MATN1: variants seen among roughly 807,000 people sequenced by gnomAD.
MATN1 encodes the protein matrilin 1, also known as matrilin-1.
A neutral mutation model predicts 41.3 loss-of-function variants in MATN1; 34 were observed. That is an observed-to-expected ratio of 0.82 (90% CI 0.63 to 1.10). The LOEUF is 1.10. Among genes scored for constraint, MATN1 ranks in the 50% least tolerant of loss-of-function variants. The probability of loss-of-function intolerance (pLI) is 0.00; values close to 1 mark genes in which losing one functional copy is unlikely to be tolerated. For missense variants in MATN1, 602 were observed against 662.4 expected, an observed-to-expected ratio of 0.91 and a Z score of 1.00; for synonymous variants, 264 against 278.7, an observed-to-expected ratio of 0.95 and a Z score of 0.53.
At position 30,715,168 on chromosome 1, in the gene MATN1, T is replaced by C. The variant is rs762432132; in HGVS notation, c.1349A>G (p.Lys450Arg). 6.2e-7 allele frequency: 1 copy of C among 1,614,098 alleles called. No homozygotes were observed. Among genetic ancestry groups the C allele is most frequent in the South Asian group, 1.1e-5 (1 of 91,086 alleles). The change falls in exon 6 of 8, where the codon AAG becomes AGG. Residue 450 changes from lysine to arginine, a missense_variant. By Grantham distance (26) the Lys-to-Arg change is conservative (BLOSUM62 2). Coordinates refer to ENST00000373765, the MANE Select transcript of MATN1 (RefSeq NM_002379.3). ...CTGGCCTCACTCACCCACACAGATC[T>C]TCTTCTGCAACTTCTTGCCTATCTG... ...INQIGKKLQK[K>R]ICVEEDPCAC...
At chr1:30,719,133 G>A (rs1639665410) in intron 2 of MATN1, 176 bp from the exon 3 acceptor site, 1 of 523,706 alleles carries the variant, frequency 1.9e-6, no homozygotes, top group African/African-American at 2.0e-5. Flanking sequence ...ACTGAGAGAC[G>A]TGGCTGGGGG....
intron 3 of MATN1, among the ~76,000 whole-genome samples, chr1:30,717,772 A>C (rs1442066461): frequency 6.6e-6 from 1 of 150,772 alleles, no homozygotes; most frequent in Non-Finnish European, 1.5e-5. Flanking sequence ...TTCCTGGCGC[A>C]GCCTCCCGAG....
In MATN1 at chr1:30,716,347, C is replaced by A. The variant is rs116244983; in HGVS notation, c.791-22G>T. 38 of 1,603,944 alleles carry A rather than the reference C, an allele frequency of 2.4e-5. No individual in the cohort carries two copies. In the African/African-American group the frequency reaches 4.5e-4, roughly 19 times the overall value. ...CAGACTGTGGAGGACAGGAAGGCAA[C>A]GGGCTGAAGCTGAAGGACATAGTCA... On this transcript the variant is annotated intron_variant, in intron 4 of 7. Coordinates refer to ENST00000373765, the MANE Select transcript of MATN1 (RefSeq NM_002379.3).
intron 3 of MATN1, among the ~76,000 whole-genome samples, chr1:30,718,203 G>A (rs1639645006): frequency 6.7e-6 from 1 of 149,950 alleles, no homozygotes. Flanking sequence ...CCTCTGATGT[G>A]GCCCCGCCCC....
chr1:30,720,114 C>T (rs747564451), intron 2 of MATN1: 7 of 152,192 alleles, frequency 4.6e-5, no homozygotes, highest in Non-Finnish European at 1.0e-4. Context: ...GCTGCCATCC[C>T]GAGGCCCACT....
chr1:30,719,547 TATC>T (rs1334974490), intron 2 of MATN1: 2 of 153,298 alleles, frequency 1.3e-5, no homozygotes, highest in Admixed American at 1.3e-4. Flanking sequence ...ATGCCGCCCT[TATC>T]CTCCTCCACT....
chr1:30,713,470 A>G lies in MATN1; in HGVS notation c.*112T>C. 2.0e-6 allele frequency: 2 copies of G among 1,012,056 alleles called. No homozygotes were observed. Among genetic ancestry groups the G allele is most frequent in the Non-Finnish European group, 3.0e-6 (2 of 660,276 alleles). 62.7% of individuals were successfully genotyped at this position (1,012,056 alleles called of 1,614,324 possible). The stretch of plus-strand genomic sequence containing the variant: ...ACGCCATTACACGCTCTCAATAGGC[A>G]CACCCAGACACACCCCCTCCCACCC... On this transcript the variant is annotated 3_prime_UTR_variant, in exon 8 of 8. Coordinates refer to ENST00000373765, the MANE Select transcript of MATN1 (RefSeq NM_002379.3).
chr1:30,717,001 C>A, intron 3 of MATN1, 86 bp from the exon 4 acceptor site: 1 of 1,408,720 alleles, frequency 7.1e-7, no homozygotes, highest in African/African-American at 1.4e-5. Context: ...CTGTGGATAC[C>A]AGGCCCCATC....
chr1:30,713,583 T>C lies in MATN1; in HGVS notation c.1490A>G (p.Ter497=). The change falls in exon 8 of 8, where the codon TAA becomes TGA. Residue 497 remains the stop codon, a stop_retained_variant. Coordinates refer to ENST00000373765, the MANE Select transcript of MATN1 (RefSeq NM_002379.3). ...AGGCCACAGTGGTGACAGGCAGCCT[T>C]AGACAACTGTGTTCTCCAGGATGGC... ...RLAILENTVV[*] The C allele has an allele frequency of 6.4e-7, 1 of 1,553,512 alleles. No homozygotes were observed. Among genetic ancestry groups the C allele is most frequent in the Non-Finnish European group, 8.7e-7 (1 of 1,147,774 alleles).
Position 30,716,833 on chromosome 1 carries a change from G to T in MATN1, c.747C>A (p.Cys249Ter). 1 of 1,614,000 alleles carries T rather than the reference G, an allele frequency of 6.2e-7. No individual in the cohort carries two copies. Among genetic ancestry groups the T allele is most frequent in the Non-Finnish European group, 8.5e-7 (1 of 1,179,990 alleles). ...CGCTGTTCAGAGTGAAGCCCTCGTG[G>T]CAGGCGCAGGTGTAGGAACCGGGGG... is the stretch of plus-strand genomic sequence containing the variant. ...ISSPGSYTCA[C>*]HEGFTLNSDG... The change falls in exon 4 of 8, where the codon TGC becomes TGA. Residue 249 changes from cysteine (C) to a stop codon, truncating the protein, a stop_gained. Transcript: ENST00000373765. LOFTEE classifies it high-confidence loss of function.
intron 6 of MATN1, 47 bp from the exon 7 acceptor site, chr1:30,714,374 C>G (rs749311061): frequency 2.7e-5 from 40 of 1,500,972 alleles, no homozygotes; most frequent in Non-Finnish European, 3.6e-5. Context: ...TGTTGAGTGG[C>G]TGCCCAGGAG....
At chr1:30,720,546 C>T (rs1427366605) in intron 2 of MATN1, 1 of 152,428 alleles carries the variant, frequency 6.6e-6, no homozygotes, top group African/African-American at 2.4e-5. Context: ...ATACCACCTC[C>T]GAGCAGAATC....
intron 5 of MATN1, among the ~76,000 whole-genome samples, 161 bp from the exon 6 acceptor site, chr1:30,715,470 A>G (rs997407768): frequency 3.9e-5 from 6 of 152,176 alleles, no homozygotes; most frequent in African/African-American, 1.4e-4. Context: ...GAGAAAATCA[A>G]TATTTACTGA....
intron 4 of MATN1, 31 bp downstream of exon 4, chr1:30,716,759 T>C: frequency 6.2e-7 from 1 of 1,610,648 alleles, no homozygotes; most frequent in South Asian, 1.1e-5. Flanking sequence ...CCACACCCTC[T>C]CCAGGGCGAG....
intron 3 of MATN1, among the ~76,000 whole-genome samples, chr1:30,717,348 G>A (rs913516329): frequency 1.3e-5 from 2 of 151,956 alleles, no homozygotes; most frequent in Non-Finnish European, 2.9e-5. Flanking sequence ...TTTACAAATG[G>A]GTAAAGTCCC....
intron 3 of MATN1, among the ~76,000 whole-genome samples, chr1:30,717,668 TTGAGACG>T (rs1639637389): frequency 6.9e-6 from 1 of 145,120 alleles, no homozygotes; most frequent in Non-Finnish European, 1.5e-5. Flanking sequence ...TGTTTTTTTT[TTGAGACG>T]GAGTCGTCTC....
Position 30,715,326 on chromosome 1 carries a change from G to T in MATN1, c.1208-17C>A, listed in dbSNP as rs1639601845. 10 of 1,613,444 alleles carry T rather than the reference G, an allele frequency of 6.2e-6. No homozygotes were observed. The highest frequency in any genetic ancestry group is 1.7e-5 in the Admixed American group (1 of 59,974). ...TCTTAAAGCCTGCCAGGAGGAACAG[G>T]AGAAGTAAGGCTGGACATGGGGATG... is the stretch of plus-strand genomic sequence containing the variant. On this transcript the variant is annotated splice_polypyrimidine_tract_variant and intron_variant, in intron 5 of 7. Transcript: ENST00000373765.
At chr1:30,720,303 C>CCCCA (rs1639680518) in intron 2 of MATN1, 1 of 152,236 alleles carries the variant, frequency 6.6e-6, no homozygotes, top group Non-Finnish European at 1.5e-5. Flanking sequence ...ACGCCACCAC[C>CCCCA]CCCATCTCCT....
chr1:30,717,907 C>A (rs1639640534), intron 3 of MATN1, among the ~76,000 whole-genome samples: 1 of 152,160 alleles, frequency 6.6e-6, no homozygotes, highest in African/African-American at 2.4e-5. Flanking sequence ...CCCGCCTCGG[C>A]CTCTCAAAGT....
Sources: gnomAD v4.1 joint callset for allele counts (sites outside exome capture counted in the v4.1 genomes callset) on GRCh38, gnomAD v4.1.1 for gene constraint, MANE v1.5 for transcripts, NCBI Gene and HGNC (gene_info 2026-07-23, HGNC 2026-07-21) for gene names.